CUX2: variants seen among roughly 807,000 people sequenced by gnomAD.
CUX2 encodes the protein cut like homeobox 2.
In CUX2, 40 loss-of-function variants were observed where a neutral mutation model predicts 144.8. The ratio of observed to expected loss-of-function variants is 0.28; its 90% confidence interval spans 0.21 to 0.36. CUX2 has a LOEUF of 0.36. Among genes scored for constraint, CUX2 ranks in the 10% least tolerant of loss-of-function variants. The probability of loss-of-function intolerance (pLI) is 1.00; values close to 1 mark genes in which losing one functional copy is unlikely to be tolerated. For synonymous variants in CUX2, 827 were observed against 875.6 expected, an observed-to-expected ratio of 0.94 and a Z score of 0.98; for missense variants, 1,615 against 1,994.0, an observed-to-expected ratio of 0.81 and a Z score of 3.62.
At chr12:111,167,066 C>T (rs976879451) in intron 1 of CUX2, among the ~76,000 whole-genome samples, 3 of 152,116 alleles carry the variant, frequency 2.0e-5, no homozygotes, top group East Asian at 1.9e-4. Flanking sequence ...AGAGCGAGAG[C>T]GCCAGCACTG....
chr12:111,311,258 G>T (rs945654163), intron 15 of CUX2, among the ~76,000 whole-genome samples: 3 of 152,300 alleles, frequency 2.0e-5, no homozygotes, highest in Middle Eastern at 3.4e-3. Context: ...GAACTGTTAG[G>T]GGTGGTGGTT....
At chr12:111,063,345 C>T (rs563772593) in intron 1 of CUX2, among the ~76,000 whole-genome samples, 1 of 152,238 alleles carries the variant, frequency 6.6e-6, no homozygotes, top group Non-Finnish European at 1.5e-5. Context: ...CCCCTCCCCC[C>T]ACCACCCTGC....
intron 1 of CUX2, among the ~76,000 whole-genome samples, chr12:111,149,514 A>G (rs1000507653): frequency 3.9e-5 from 6 of 152,090 alleles, no homozygotes; most frequent in Admixed American, 2.6e-4. Flanking sequence ...ACCGCCCCCC[A>G]CAATCCCAAA....
At chr12:111,055,334 A>G (rs2051048022) in intron 1 of CUX2, among the ~76,000 whole-genome samples, 1 of 152,216 alleles carries the variant, frequency 6.6e-6, no homozygotes, top group African/African-American at 2.4e-5. Context: ...CTGGGGGACT[A>G]GGCCAATTTC....
Position 111,037,341 on chromosome 12 carries a change from C to CA in CUX2, c.63+3103dup, listed in dbSNP as rs1381814306. On this transcript the variant is annotated intron_variant, in intron 1 of 21. Coordinates refer to ENST00000261726, the MANE Select transcript of CUX2 (RefSeq NM_015267.4). The surrounding 1 kb of genome is among the most constrained non-coding windows in gnomAD (Gnocchi z 5.4). Reference sequence around the variant, plus strand: ...GTCGCTGACGCCATACCGATCCTGGCAAGAAAGGTGACCTTGTACCAGCCC... The same window carrying CA: ...GTCGCTGACGCCATACCGATCCTGGCAAAGAAAGGTGACCTTGTACCAGCCC... Among the ~76,000 whole-genome samples the CA allele has an allele frequency of 5.9e-5, 9 of 152,350 alleles. No individual in the cohort carries two copies. In the South Asian group the frequency reaches 1.2e-3, roughly 21 times the overall value.
intron 3 of CUX2, among the ~76,000 whole-genome samples, chr12:111,220,247 T>G (rs1409848375): frequency 6.6e-6 from 1 of 152,180 alleles, no homozygotes; most frequent in Middle Eastern, 3.2e-3. Context: ...TGAGAAGTCT[T>G]GGATATTTTA....
chr12:111,349,477 C>T lies in CUX2; in HGVS notation c.*1152C>T, dbSNP rs1888962637. On this transcript the variant is annotated 3_prime_UTR_variant, in exon 22 of 22. Coordinates refer to ENST00000261726, the MANE Select transcript of CUX2 (RefSeq NM_015267.4). Reference sequence around the variant, plus strand: ...AGACCCCAGCTCCCCTTCTCGCCATCTTCTTTCTCAAGTTGACCGTGGTGC... The same window carrying T: ...AGACCCCAGCTCCCCTTCTCGCCATTTTCTTTCTCAAGTTGACCGTGGTGC... 1 of 152,290 alleles carries T rather than the reference C, an allele frequency of 6.6e-6. No homozygotes were observed. Among genetic ancestry groups the T allele is most frequent in the South Asian group, 2.1e-4 (1 of 4,832 alleles). The allele number at this position is 152,290 out of a possible 1,614,324, so 9.4% of individuals were successfully genotyped here.
intron 1 of CUX2, among the ~76,000 whole-genome samples, chr12:111,129,042 T>C (rs546471781): frequency 6.6e-6 from 1 of 152,366 alleles, no homozygotes; most frequent in East Asian, 1.9e-4. Flanking sequence ...TTTTGTCTCT[T>C]TTTTGGTTGC....
At chr12:111,055,013 G>T (rs543809993) in intron 1 of CUX2, among the ~76,000 whole-genome samples, 47 of 152,330 alleles carry the variant, frequency 3.1e-4, no homozygotes, top group Non-Finnish European at 6.2e-4. Flanking sequence ...ACACAGCAGA[G>T]CCAGGCAGTC....
rs757772004 is a variant in CUX2 at position 111,171,995 on chromosome 12, CTG to C, written c.64-42198_64-42197del. ...TGCACCTGTGTGTGTGTGCATGTGC[CTG>C]TGTGTGCGCATGTGTGTGCATATGC... On this transcript the variant is annotated intron_variant, in intron 1 of 21. Coordinates refer to ENST00000261726, the MANE Select transcript of CUX2 (RefSeq NM_015267.4). The surrounding 1 kb of genome is among the most constrained non-coding windows in gnomAD (Gnocchi z 5.0). 2.7e-5 allele frequency among the ~76,000 whole-genome samples: 4 copies of C among 146,816 alleles called. No individual in the cohort carries two copies. Among genetic ancestry groups the C allele is most frequent in the African/African-American group, 8.1e-5 (3 of 36,832 alleles).
At chr12:111,143,445 G>C (rs558667314) in intron 1 of CUX2, among the ~76,000 whole-genome samples, 1 of 152,280 alleles carries the variant, frequency 6.6e-6, no homozygotes, top group African/African-American at 2.4e-5. Flanking sequence ...ACAGGCCCGG[G>C]ACCCCAGAGA....
At chr12:111,081,484 T>C (rs1304694285) in intron 1 of CUX2, among the ~76,000 whole-genome samples, 3 of 152,058 alleles carry the variant, frequency 2.0e-5, no homozygotes, top group Non-Finnish European at 4.4e-5. Context: ...AGATCTAGTC[T>C]CACCCCTAGA....
intron 1 of CUX2, among the ~76,000 whole-genome samples, chr12:111,126,045 G>T (rs543053765): frequency 8.4e-5 from 12 of 143,094 alleles, no homozygotes; most frequent in Middle Eastern, 3.5e-3. Flanking sequence ...GTGGTGGCGT[G>T]GGGGGGGCGG....
At chr12:111,116,582 C>A (rs1874319799) in intron 1 of CUX2, among the ~76,000 whole-genome samples, 1 of 152,112 alleles carries the variant, frequency 6.6e-6, no homozygotes, top group Non-Finnish European at 1.5e-5. Flanking sequence ...GGACAAGTTC[C>A]CGAGGCATAT....
intron 3 of CUX2, among the ~76,000 whole-genome samples, chr12:111,249,433 G>T (rs908125004): frequency 7.0e-4 from 56 of 79,842 alleles, no homozygotes; most frequent in East Asian, 5.6e-3. Flanking sequence ...TAAATTAATA[G>T]ACCCTTTTTT....
rs1354210862 is a variant in CUX2 at position 111,320,154 on chromosome 12, G to C, written c.2145G>C (p.Glu715Asp). Residue 715 changes from glutamate (E) to aspartate (D), a missense_variant, in exon 17 of 22, where the codon GAG (glutamate) becomes GAC (aspartate). Around this residue, in one of 12 missense-constraint regions of CUX2, gnomAD observed 390 missense variants for 387.1 expected, o/e 1.01. Transcript: ENST00000261726. This position sits in a 1 kb window ranked among gnomAD's most constrained non-coding sequence, Gnocchi z 8.1. Reference protein sequence around the residue: ...QAQQQALLEMEVAPRGRSVPP... With the variant: ...QAQQQALLEMDVAPRGRSVPP... ...AACAGCAGGCGCTGCTGGAGATGGA[G>C]GTGGCGCCCAGGGGCCGCTCGGTGC... The C allele has an allele frequency of 1.3e-6, 2 of 1,547,624 alleles. No individual in the cohort carries two copies. Among genetic ancestry groups the C allele is most frequent in the Non-Finnish European group, 1.7e-6 (2 of 1,150,466 alleles).
At chr12:111,236,717 T>C (rs1882769229) in intron 3 of CUX2, among the ~76,000 whole-genome samples, 1 of 152,210 alleles carries the variant, frequency 6.6e-6, no homozygotes, top group South Asian at 2.1e-4. Context: ...AATAGGAATT[T>C]TATGTTCAAT....
At chr12:111,301,709 G>T (rs764713751) in intron 9 of CUX2, among the ~76,000 whole-genome samples, 1 of 152,128 alleles carries the variant, frequency 6.6e-6, no homozygotes, top group Non-Finnish European at 1.5e-5. Context: ...TTGCTATGTT[G>T]CCCAAGCTGG....
chr12:111,286,433 C>T (rs1885385261), intron 4 of CUX2, among the ~76,000 whole-genome samples: 3 of 152,172 alleles, frequency 2.0e-5, no homozygotes, highest in Admixed American at 2.0e-4. Context: ...TTTAAATCTT[C>T]CCAATAAGAA....
Sources: gnomAD v4.1 joint callset for allele counts (sites outside exome capture counted in the v4.1 genomes callset) on GRCh38, gnomAD v4.1.1 for gene constraint, gnomAD v4.1.1 regional missense constraint, Gnocchi (gnomAD v3.1) non-coding constraint, MANE v1.5 for transcripts, NCBI Gene and HGNC (gene_info 2026-07-23, HGNC 2026-07-21) for gene names.